Variants in TENM3 observed in about 807,000 individuals in gnomAD.
TENM3 encodes the protein teneurin transmembrane protein 3, also known as teneurin-3.
A neutral mutation model predicts 255.1 loss-of-function variants in TENM3; 63 were observed. The ratio of observed to expected loss-of-function variants is 0.25; its 90% CI spans 0.20 to 0.30. The LOEUF (loss-of-function observed/expected upper bound fraction) is 0.30. TENM3 is among the 10% of genes least tolerant of loss of function. The pLI is 1.00. For missense variants in TENM3, 2,929 were observed against 3,461.1 expected, an observed-to-expected ratio of 0.85 and a Z score of 3.86; for synonymous variants, 1,306 against 1,322.3, an observed-to-expected ratio of 0.99 and a Z score of 0.27.
chr4:182,539,358 A>G (rs538663953), intron 3 of TENM3, among the ~76,000 whole-genome samples: 25 of 152,182 alleles, frequency 1.6e-4, no homozygotes, highest in South Asian at 8.3e-4. Context: ...ATGAGCTAGC[A>G]GTGACTTCTC....
the TENM3 span, among the ~76,000 whole-genome samples, chr4:182,050,981 A>C: frequency 2.6e-4 from 40 of 152,170 alleles, no homozygotes; most frequent in African/African-American, 9.4e-4. Context: ...TCCTCAGTTC[A>C]CATCTGCTCT....
At chr4:181,974,705 C>T in the TENM3 span, among the ~76,000 whole-genome samples, 1 of 152,194 alleles carries the variant, frequency 6.6e-6, no homozygotes, top group Non-Finnish European at 1.5e-5. Flanking sequence ...TGGCTTTTCA[C>T]TCTAAGTGGA....
intron 1 of TENM3, among the ~76,000 whole-genome samples, chr4:182,318,819 G>C (rs1191577627): frequency 6.6e-6 from 1 of 152,194 alleles, no homozygotes; most frequent in Non-Finnish European, 1.5e-5. Flanking sequence ...CTGGGCTGGA[G>C]TGCAGTGGCA....
At chr4:181,777,189 T>TC in the TENM3 span, among the ~76,000 whole-genome samples, 1 of 152,092 alleles carries the variant, frequency 6.6e-6, no homozygotes, top group African/African-American at 2.4e-5. Context: ...AGGTGTCATT[T>TC]CCCCATGTAT....
chr4:181,507,740 T>C, the TENM3 span, among the ~76,000 whole-genome samples: 1 of 152,234 alleles, frequency 6.6e-6, no homozygotes, highest in Non-Finnish European at 1.5e-5. Context: ...AAATCGATTG[T>C]TTTATCAACA....
the TENM3 span, among the ~76,000 whole-genome samples, chr4:181,789,218 A>AT: frequency 4.8e-5 from 7 of 145,624 alleles, no homozygotes; most frequent in Admixed American, 1.4e-4. Context: ...AGCCCCCTTT[A>AT]TTTATTTTAT....
chr4:182,218,167 A>G (rs1755620328), intron 1 of TENM3, among the ~76,000 whole-genome samples: 1 of 152,152 alleles, frequency 6.6e-6, no homozygotes, highest in Non-Finnish European at 1.5e-5. Flanking sequence ...CTCAGTCAAA[A>G]TATACCTGAC....
the TENM3 span, among the ~76,000 whole-genome samples, chr4:181,734,552 T>A: frequency 6.6e-6 from 1 of 152,256 alleles, no homozygotes; most frequent in African/African-American, 2.4e-5. Flanking sequence ...TGACCAAATT[T>A]GTTGTTTAGG....
chr4:182,442,847 TACACACACACACAC>T (rs10586825), intron 3 of TENM3, among the ~76,000 whole-genome samples: 31 of 147,870 alleles, frequency 2.1e-4, no homozygotes, highest in Non-Finnish European at 3.6e-4. Context: ...CATACATATA[TACACACACACACAC>T]ACACACACAC....
the TENM3 span, among the ~76,000 whole-genome samples, chr4:182,010,123 T>G: frequency 6.6e-6 from 1 of 152,236 alleles, no homozygotes; most frequent in African/African-American, 2.4e-5. Flanking sequence ...CTCCTAATGC[T>G]GTTGCTTCTA....
chr4:181,712,062 A>AAGAGAAAAT, the TENM3 span, among the ~76,000 whole-genome samples: 4 of 152,188 alleles, frequency 2.6e-5, no homozygotes, highest in Non-Finnish European at 4.4e-5. Context: ...ATTAAGTCAA[A>AAGAGAAAAT]AGAGAAAATA....
intron 3 of TENM3, among the ~76,000 whole-genome samples, chr4:182,389,984 C>A: frequency 6.6e-6 from 1 of 152,148 alleles, no homozygotes; most frequent in Non-Finnish European, 1.5e-5. Context: ...CGCGCCCGGC[C>A]CAGTAGATGA....
At chr4:181,580,390 C>A in the TENM3 span, among the ~76,000 whole-genome samples, 4 of 152,180 alleles carry the variant, frequency 2.6e-5, no homozygotes, top group Non-Finnish European at 5.9e-5. Flanking sequence ...CCATCTGCCA[C>A]CCCAACCCAT....
rs753894071 is a variant in TENM3, at chr4:182,600,970, G to T, written c.558G>T (p.Pro186=). 6.8e-7 allele frequency: 1 copy of T among 1,477,182 alleles called. No individual in the cohort carries two copies. The highest frequency in any genetic ancestry group is 3.0e-5 in the East Asian group (1 of 33,498). 91.5% of individuals were successfully genotyped at this position (1,477,182 alleles called of 1,614,324 possible). Residue 186 remains proline (P), a synonymous_variant, in exon 4 of 28, where the codon CCG becomes CCT. Coordinates refer to ENST00000511685, the MANE Select transcript of TENM3 (RefSeq NM_001080477.4). ...NQGQSTLQPL[P]PSHKQHSAQH... is the part of the protein sequence containing the mutation. The stretch of plus-strand genomic sequence containing the variant: ...GCCAGTCTACCCTGCAGCCCTTGCC[G>T]CCTTCCCATAAGCAGCACTCTGCAC...
the TENM3 span, among the ~76,000 whole-genome samples, chr4:181,599,205 A>C: frequency 9.8e-5 from 15 of 152,328 alleles, no homozygotes; most frequent in Non-Finnish European, 1.6e-4. Flanking sequence ...GAGCTACCTT[A>C]TTCAAGGACC....
At chr4:182,553,561 G>C (rs1194275298) in intron 3 of TENM3, among the ~76,000 whole-genome samples, 1 of 151,524 alleles carries the variant, frequency 6.6e-6, no homozygotes, top group Non-Finnish European at 1.5e-5. Context: ...AAAGAAAATT[G>C]AAACTCATTT....
chr4:182,792,579 CTA>C lies in TENM3; in HGVS notation c.5909_5910del (p.Tyr1970Ter). The C allele has an allele frequency of 6.2e-7, 1 of 1,613,982 alleles. No individual in the cohort carries two copies. Among genetic ancestry groups the C allele is most frequent in the Non-Finnish European group, 8.5e-7 (1 of 1,179,882 alleles). ...ATGATAGCACAAGAGTCAGTTTTAC[CTA>C]TGATGAAACAGCAGGAGTCCTAAAG... The part of the protein sequence containing the change: ...LYDSTRVSFT[Y>X]DETAGVLKTV... On this transcript the variant is annotated frameshift_variant, in exon 26 of 28. Transcript: ENST00000511685. LOFTEE classifies it high-confidence loss of function. The surrounding 1 kb of genome is among the most constrained non-coding windows in gnomAD (Gnocchi z 6.3).
At chr4:182,118,138 TATG>T in the TENM3 span, among the ~76,000 whole-genome samples, 12 of 152,122 alleles carry the variant, frequency 7.9e-5, no homozygotes, top group South Asian at 2.1e-4. Flanking sequence ...TAATTATAAT[TATG>T]ATGATTATCA....
the TENM3 span, among the ~76,000 whole-genome samples, chr4:181,665,235 G>T: frequency 6.6e-6 from 1 of 152,096 alleles, no homozygotes. Flanking sequence ...GACATCCTAG[G>T]TGTTAAATAT....
Sources: gnomAD v4.1 joint callset for allele counts (sites outside exome capture counted in the v4.1 genomes callset) on GRCh38, gnomAD v4.1.1 for gene constraint, Gnocchi (gnomAD v3.1) non-coding constraint, MANE v1.5 for transcripts, NCBI Gene and HGNC (gene_info 2026-07-23, HGNC 2026-07-21) for gene names.